Variants in CPS1 observed in about 807,000 individuals in gnomAD.
CPS1 encodes the protein carbamoyl-phosphate synthase 1.
In CPS1, 109 loss-of-function variants were observed where a neutral mutation model predicts 174.6. The ratio of observed to expected loss-of-function variants is 0.62; its 90% CI spans 0.53 to 0.73. CPS1 has a LOEUF of 0.73. Ranked by LOEUF, CPS1 falls within the 30% of genes least tolerant of loss-of-function variation. The pLI, the probability that CPS1 is intolerant of heterozygous loss-of-function variation, is 0.00. For synonymous variants in CPS1, 637 were observed against 632.0 expected (o/e 1.01, Z -0.12); for missense variants, 1,689 against 1,821.9 (o/e 0.93, Z 1.33).
In CPS1 at chr2:210,478,943, C is replaced by CTCCCT. The variant is rs1419678968; in HGVS notation, c.3+1178_3+1182dup. Among the ~76,000 whole-genome samples the CTCCCT allele has an allele frequency of 7.3e-5, 4 of 54,848 alleles. No homozygotes were observed. In the Admixed American group the frequency reaches 8.8e-4, roughly 12 times the overall value. The allele number at this position is 54,848 out of a possible 152,430, so 36.0% of individuals were successfully genotyped here. The stretch of plus-strand genomic sequence containing the variant: ...CCTCCCCCCTTCCCCCCTCCCTTCC[C>CTCCCT]TCCCTCCCTCCCTGCTTTCCTTCTC... On this transcript the variant is annotated intron_variant, in intron 1 of 38. Coordinates refer to the CPS1 transcript ENST00000430249.
At chr2:210,551,433 G>A (rs1038520513) in intron 1 of CPS1, among the ~76,000 whole-genome samples, 1 of 151,980 alleles carries the variant, frequency 6.6e-6, no homozygotes, top group Non-Finnish European at 1.5e-5. Flanking sequence ...CATCTAACAT[G>A]TCTACTTGGT....
At chr2:210,580,367 TACA>T (rs932585610) in intron 5 of CPS1, among the ~76,000 whole-genome samples, 3 of 152,214 alleles carry the variant, frequency 2.0e-5, no homozygotes, top group African/African-American at 4.8e-5. Flanking sequence ...GTCTGATTGC[TACA>T]ACATCTGACC....
intron 1 of CPS1, among the ~76,000 whole-genome samples, chr2:210,524,183 G>T (rs187970384): frequency 2.3e-3 from 347 of 151,974 alleles, no homozygotes; most frequent in Non-Finnish European, 3.5e-3. Flanking sequence ...CCTCTTATGG[G>T]TCTCTGACCA....
At chr2:210,544,006 C>T (rs1402687817) in intron 1 of CPS1, among the ~76,000 whole-genome samples, 3 of 151,960 alleles carry the variant, frequency 2.0e-5, no homozygotes, top group Non-Finnish European at 4.4e-5. Flanking sequence ...GATCATAGGG[C>T]TTGATGGATA....
chr2:210,507,256 A>G (rs1052542782), intron 1 of CPS1, among the ~76,000 whole-genome samples: 3 of 152,186 alleles, frequency 2.0e-5, no homozygotes, highest in Non-Finnish European at 2.9e-5. Context: ...TTCAACCCAG[A>G]ATTTCTTATC....
At chr2:210,551,366 C>G (rs981800918) in intron 1 of CPS1, among the ~76,000 whole-genome samples, 1 of 151,988 alleles carries the variant, frequency 6.6e-6, no homozygotes, top group African/African-American at 2.4e-5. Context: ...CATTCTTTAG[C>G]AAATGTGTAT....
chr2:210,599,317 T>A (rs1406308214), intron 13 of CPS1, 55 bp from the exon 14 acceptor site: 4 of 1,530,246 alleles, frequency 2.6e-6, no homozygotes, highest in Non-Finnish European at 3.6e-6. Context: ...TTAAGTGTGG[T>A]CATTCTCTTC....
chr2:210,568,790 T>C (rs1213088012), intron 1 of CPS1, among the ~76,000 whole-genome samples: 1 of 152,080 alleles, frequency 6.6e-6, no homozygotes, highest in Non-Finnish European at 1.5e-5. Context: ...GCATTAGATA[T>C]CTACATTTTA....
chr2:210,604,384 C>A (rs182522146), intron 16 of CPS1, among the ~76,000 whole-genome samples: 2 of 151,990 alleles, frequency 1.3e-5, no homozygotes, highest in Admixed American at 1.3e-4. Context: ...TCAGCCACTG[C>A]ATGTCCTAAG....
chr2:210,516,547 C>T (rs560435259), intron 1 of CPS1, among the ~76,000 whole-genome samples: 6 of 151,992 alleles, frequency 3.9e-5, no homozygotes, highest in Admixed American at 1.3e-4. Flanking sequence ...TTTTCTAACA[C>T]GCATATCTGA....
At chr2:210,489,545 A>G (rs1694816944) in intron 1 of CPS1, among the ~76,000 whole-genome samples, 1 of 152,162 alleles carries the variant, frequency 6.6e-6, no homozygotes, top group African/African-American at 2.4e-5. Flanking sequence ...CTTCCCTGGC[A>G]CATACACCTG....
At position 210,491,320 on chromosome 2, in the gene CPS1, T is replaced by G. The variant is rs1021263508; in HGVS notation, c.3+13554T>G. Among the ~76,000 whole-genome samples the G allele has an allele frequency of 1.8e-3, 225 of 125,638 alleles. 3 individuals carry two copies. Among genetic ancestry groups the G allele is most frequent in the Middle Eastern group, 3.8e-3 (1 of 264 alleles). The allele number at this position is 125,638 out of a possible 152,430, so 82.4% of individuals were successfully genotyped here. A position where few individuals can be genotyped will look rare whatever the true frequency, so the allele number is the denominator to read the frequency against. ...TTTGGTATCTGTGTTTTTTTTTTTT[T>G]TTTTTTTTTTTTTTTTTTGAGACGG... On this transcript the variant is annotated intron_variant, in intron 1 of 38. Transcript: ENST00000430249.
At chr2:210,630,872 C>T (rs975290350) in intron 21 of CPS1, among the ~76,000 whole-genome samples, 5 of 152,000 alleles carry the variant, frequency 3.3e-5, no homozygotes, top group Non-Finnish European at 7.4e-5. Flanking sequence ...CCGTGAAACG[C>T]CAAAAATAAT....
chr2:210,486,095 T>C lies in CPS1; in HGVS notation c.3+8329T>C, dbSNP rs1045721721. Among the ~76,000 whole-genome samples, 11 of 120,398 alleles carry C rather than the reference T, an allele frequency of 9.1e-5. No homozygotes were observed. The East Asian group carries it at 1.7e-3, about 19-fold the overall frequency. 79.0% of individuals were successfully genotyped at this position (120,398 alleles called of 152,430 possible). On this transcript the variant is annotated intron_variant, in intron 1 of 38. Coordinates refer to the CPS1 transcript ENST00000430249. ...GTATATATATGTGTATATATATACA[T>C]ATATATATACACACACACATACACA...
intron 1 of CPS1, among the ~76,000 whole-genome samples, chr2:210,535,964 G>A (rs1393434422): frequency 1.3e-5 from 2 of 151,918 alleles, no homozygotes; most frequent in Non-Finnish European, 2.9e-5. Context: ...TGAGGGAGGT[G>A]CTATTATGAT....
In CPS1 at chr2:210,607,068, A is replaced by T. The variant is rs75641190; in HGVS notation, c.2192+127A>T. The T allele has an allele frequency of 7.2e-4, 577 of 800,914 alleles. 4 individuals carry two copies. In the East Asian group the frequency reaches 0.013, roughly 18 times the overall value. 49.6% of individuals were successfully genotyped at this position (800,914 alleles called of 1,614,324 possible). ...CCCTTTTTCTGTATGTTAGCTCCAAATCATTTATAGCACCCTGAGGACATG... is the reference window on the plus strand; with the variant it reads ...CCCTTTTTCTGTATGTTAGCTCCAATTCATTTATAGCACCCTGAGGACATG... On this transcript the variant is annotated intron_variant, in intron 18 of 37. Coordinates refer to ENST00000233072, the MANE Select transcript of CPS1 (RefSeq NM_001875.5).
chr2:210,655,297 C>G (rs1419360797), intron 29 of CPS1, among the ~76,000 whole-genome samples: 1 of 152,146 alleles, frequency 6.6e-6, no homozygotes, highest in Admixed American at 6.5e-5. Context: ...TTTTCAAATA[C>G]TGTACTGGTA....
Position 210,556,885 on chromosome 2 carries a change from A to G in CPS1, c.126+26A>G, listed in dbSNP as rs1452765148. On this transcript the variant is annotated intron_variant, in intron 1 of 37. Coordinates refer to ENST00000233072, the MANE Select transcript of CPS1 (RefSeq NM_001875.5). ...GTAATACCCATATTGATTGTTTCTG[A>G]TAAAATACTATGGGGTATAGTTTAG... 5.0e-6 allele frequency: 8 copies of G among 1,611,070 alleles called. No homozygotes were observed. The African/African-American group carries it at 5.3e-5, about 11-fold the overall frequency.
chr2:210,661,856 T>C (rs560291946), intron 32 of CPS1, among the ~76,000 whole-genome samples: 8 of 152,054 alleles, frequency 5.3e-5, no homozygotes, highest in African/African-American at 1.9e-4. Context: ...TTTTAGTAAA[T>C]TGATATATGA....
Sources: gnomAD v4.1 joint callset for allele counts (sites outside exome capture counted in the v4.1 genomes callset) on GRCh38, gnomAD v4.1.1 for gene constraint, MANE v1.5 for transcripts, NCBI Gene and HGNC (gene_info 2026-07-23, HGNC 2026-07-21) for gene names.